EIF4G2: variants seen among roughly 807,000 people sequenced by gnomAD.
EIF4G2 encodes eukaryotic translation initiation factor 4 gamma 2.
A neutral mutation model predicts 117.7 loss-of-function variants in EIF4G2; 8 were observed. The ratio of observed to expected loss-of-function variants is 0.07; its 90% CI spans 0.04 to 0.12. EIF4G2 has a LOEUF of 0.12. Ranked by LOEUF, EIF4G2 falls within the 10% of genes least tolerant of loss-of-function variation. EIF4G2 has a pLI of 1.00. For synonymous variants in EIF4G2, 413 were observed against 367.8 expected (o/e 1.12, Z -1.41); for missense variants, 812 against 1,086.2 (o/e 0.75, Z 3.55).
chr11:10,800,014 T>C lies in EIF4G2; in HGVS notation c.2119+76A>G, dbSNP rs1326423837. The C allele has an allele frequency of 1.3e-5, 19 of 1,518,376 alleles. No individual in the cohort carries two copies. In the South Asian group the frequency reaches 1.5e-4, roughly 12 times the overall value. The allele number at this position is 1,518,376 out of a possible 1,614,324, so 94.1% of individuals were successfully genotyped here. On this transcript the variant is annotated intron_variant, in intron 18 of 21. Transcript: ENST00000339995. ...GGACAATCAGACTGTCTGACCTACA[T>C]AAATCCACTCAAGGTACCTGAAATC...
Position 10,807,363 on chromosome 11 carries a change from G to C in EIF4G2, c.-68C>G. 1 of 1,606,568 alleles carries C rather than the reference G, an allele frequency of 6.2e-7. No individual in the cohort carries two copies. Among genetic ancestry groups the C allele is most frequent in the South Asian group, 1.1e-5 (1 of 90,144 alleles). ...AATAGATGGGGTGGGGAGGGGAGGG[G>C]ACAGGAGAAATGAAATACCTGGAAC... On this transcript the variant is annotated 5_prime_UTR_variant, in exon 2 of 22. Transcript: ENST00000339995.
rs1029717400 is a variant in EIF4G2 at position 10,807,384 on chromosome 11, G to C, written c.-86-3C>G. On this transcript the variant is annotated splice_polypyrimidine_tract_variant and splice_region_variant and intron_variant, in intron 1 of 21. Transcript: ENST00000339995. Reference sequence around the variant, plus strand: ...AGGGGACAGGAGAAATGAAATACCTGGAACGAGAAAGAGCACCAAAATTAG... The same window carrying C: ...AGGGGACAGGAGAAATGAAATACCTCGAACGAGAAAGAGCACCAAAATTAG... The C allele has an allele frequency of 6.3e-7, 1 of 1,593,266 alleles. No homozygotes were observed. Among genetic ancestry groups the C allele is most frequent in the Non-Finnish European group, 8.5e-7 (1 of 1,175,306 alleles).
intron 1 of EIF4G2, chr11:10,807,897 C>G (rs1409996294): frequency 9.9e-7 from 1 of 1,009,232 alleles, no homozygotes; most frequent in Non-Finnish European, 1.2e-6. Context: ...GGCGGAAGAC[C>G]AGGGCCACAA....
At chr11:10,799,511 T>C (rs1847359629) in intron 19 of EIF4G2, 41 bp downstream of exon 19, 1 of 1,609,308 alleles carries the variant, frequency 6.2e-7, no homozygotes, top group Non-Finnish European at 8.5e-7. Context: ...TCTTTTCCAG[T>C]ACATGAAACA....
rs1227017301 is a variant in EIF4G2 at position 10,800,363 on chromosome 11, A to G, written c.1861-15T>C. On this transcript the variant is annotated splice_polypyrimidine_tract_variant and intron_variant, in intron 17 of 21. Coordinates refer to ENST00000339995, the MANE Select transcript of EIF4G2 (RefSeq NM_001418.4). ...TTCAGGAAAGCCTTGAAAGAAATAT[A>G]CAACAGTTTATCAGTTTTCGAATTT... 1.9e-6 allele frequency: 3 copies of G among 1,613,142 alleles called. No homozygotes were observed. Among genetic ancestry groups the G allele is most frequent in the East Asian group, 4.5e-5 (2 of 44,858 alleles).
chr11:10,801,672 T>C lies in EIF4G2; in HGVS notation c.1402A>G (p.Asn468Asp). ...ATAGGCAAATGTACCTCATCTGCAT[T>C]AAGCTGTCCTTTCTTAGAAAACCGA... The change falls in exon 14 of 22, where the codon AAT (asparagine) becomes GAT (aspartate). Residue 468 changes from asparagine (N) to aspartate (D), a missense_variant. Asn to Asp is a conservative substitution (Grantham distance 23). This residue lies in a region of EIF4G2 where 571 missense variants were observed against 642.3 expected (regional missense o/e 0.89). Coordinates refer to ENST00000339995, the MANE Select transcript of EIF4G2 (RefSeq NM_001418.4). 6.2e-7 allele frequency: 1 copy of C among 1,614,134 alleles called. No homozygotes were observed. Among genetic ancestry groups the C allele is most frequent in the Non-Finnish European group, 8.5e-7 (1 of 1,179,974 alleles).
intron 1 of EIF4G2, chr11:10,808,220 ACT>A (rs538970866): frequency 2.8e-5 from 32 of 1,133,830 alleles, no homozygotes; most frequent in African/African-American, 3.5e-5. Context: ...AGAAATCATC[ACT>A]CTCTCTTTCC....
chr11:10,807,563 G>A (rs1847616327), intron 1 of EIF4G2, 182 bp from the exon 2 acceptor site: 1 of 1,263,410 alleles, frequency 7.9e-7, no homozygotes, highest in Non-Finnish European at 1.0e-6. Context: ...AAATTCCCCG[G>A]TGTTCAAGGA....
rs371843834 is a variant in EIF4G2 at position 10,807,801 on chromosome 11, CCT to C, written c.-86-422_-86-421del. 5.5e-4 allele frequency: 545 copies of C among 990,578 alleles called. 1 individual carries two copies. Among genetic ancestry groups the C allele is most frequent in the East Asian group, 4.4e-3 (39 of 8,848 alleles). 61.4% of individuals were successfully genotyped at this position (990,578 alleles called of 1,614,324 possible). The stretch of plus-strand genomic sequence containing the variant: ...TCCGAAAGCTCTTCAGCAGTTTTCC[CCT>C]GTCCACCCTTTCGCCTCCTCCCCGT... On this transcript the variant is annotated intron_variant, in intron 1 of 21. Transcript: ENST00000339995.
chr11:10,801,026 G>T lies in EIF4G2; in HGVS notation c.1475C>A (p.Pro492His). ...ACTAGGAGGAATCATAGTTATCTGG[G>T]GCTGAAGCTTTGGCACTTGATTTTT... The change falls in exon 15 of 22, where the codon CCC becomes CAC. Residue 492 changes from proline to histidine, a missense_variant. Pro to His is a moderately conservative substitution (Grantham distance 77, BLOSUM62 -2). This residue lies in a region of EIF4G2 where 571 missense variants were observed against 642.3 expected (regional missense o/e 0.89). Transcript: ENST00000339995. The T allele has an allele frequency of 6.2e-7, 1 of 1,614,126 alleles. No individual in the cohort carries two copies. The highest frequency in any genetic ancestry group is 8.5e-7 in the Non-Finnish European group (1 of 1,180,006).
At chr11:10,801,213 A>T in intron 14 of EIF4G2, 126 bp from the exon 15 acceptor site, 1 of 1,368,740 alleles carries the variant, frequency 7.3e-7, no homozygotes, top group Non-Finnish European at 9.8e-7. Flanking sequence ...GAAAAACTAA[A>T]GAAGGTACTC....
Position 10,797,567 on chromosome 11 carries a change from G to GT in EIF4G2, c.*248dup, listed in dbSNP as rs1044867493. 198 of 455,886 alleles carry GT rather than the reference G, an allele frequency of 4.3e-4. No individual in the cohort carries two copies. The highest frequency in any genetic ancestry group is 3.2e-4 in the Admixed American group (8 of 25,330). The allele number at this position is 455,886 out of a possible 1,614,324, so 28.2% of individuals were successfully genotyped here. ...CTGCCTCTGCTTGAGAACTTATGATGTAATTATTGCATGCTGCTAATATAC... is the reference window on the plus strand; with the variant it reads ...CTGCCTCTGCTTGAGAACTTATGATGTTAATTATTGCATGCTGCTAATATAC... On this transcript the variant is annotated 3_prime_UTR_variant, in exon 22 of 22. Coordinates refer to ENST00000339995, the MANE Select transcript of EIF4G2 (RefSeq NM_001418.4). This position sits in a 1 kb window ranked among gnomAD's most constrained non-coding sequence, Gnocchi z 4.5.
At chr11:10,804,535 A>G in intron 5 of EIF4G2, 117 bp from the exon 6 acceptor site, 1 of 1,332,644 alleles carries the variant, frequency 7.5e-7, no homozygotes, top group Non-Finnish European at 1.0e-6. Flanking sequence ...ATGTCCAGTT[A>G]TACAGATTTC....
In EIF4G2 at chr11:10,799,387, T is replaced by C; in HGVS notation, c.2362A>G (p.Ser788Gly). ...GCAGAGGATGAATCTGTTTCATCGC[T>C]GGGGGGGTTTACTTCACTAGAAATG... Residue 788 changes from serine to glycine, a missense_variant, in exon 20 of 22, where the codon AGC (serine) becomes GGC (glycine). Coordinates refer to ENST00000339995, the MANE Select transcript of EIF4G2 (RefSeq NM_001418.4). The C allele has an allele frequency of 3.1e-6, 5 of 1,612,178 alleles. No homozygotes were observed. The highest frequency in any genetic ancestry group is 4.2e-6 in the Non-Finnish European group (5 of 1,180,012).
At position 10,804,986 on chromosome 11, in the gene EIF4G2, A is replaced by G. The variant is rs1390128917; in HGVS notation, c.278T>C (p.Phe93Ser). Reference sequence around the variant, plus strand: ...GAGGAGCTCAAGGCATAGCTTGTCAAACTTTTCAGGAGTAAGCTTATTTAG... The same window carrying G: ...GAGGAGCTCAAGGCATAGCTTGTCAGACTTTTCAGGAGTAAGCTTATTTAG... Residue 93 changes from phenylalanine (F) to serine (S), a missense_variant, in exon 5 of 22, where the codon TTT (phenylalanine) becomes TCT (serine). Around this residue, in one of 4 missense-constraint regions of EIF4G2, gnomAD observed 154 missense variants for 322.1 expected, o/e 0.48. Transcript: ENST00000339995. 1.2e-6 allele frequency: 2 copies of G among 1,613,994 alleles called. No homozygotes were observed. Among genetic ancestry groups the G allele is most frequent in the Non-Finnish European group, 1.7e-6 (2 of 1,179,994 alleles).
chr11:10,797,757 A>G lies in EIF4G2; in HGVS notation c.*59T>C, dbSNP rs1847298661. On this transcript the variant is annotated 3_prime_UTR_variant, in exon 22 of 22. Coordinates refer to ENST00000339995, the MANE Select transcript of EIF4G2 (RefSeq NM_001418.4). The surrounding 1 kb of genome is among the most constrained non-coding windows in gnomAD (Gnocchi z 4.5). Reference sequence around the variant, plus strand: ...ATGAATTTTCGCAGTGGTTAGGTCAAATGCAGTTACATCATAGCAACAGTA... The same window carrying G: ...ATGAATTTTCGCAGTGGTTAGGTCAGATGCAGTTACATCATAGCAACAGTA... 2 of 1,551,900 alleles carry G rather than the reference A, an allele frequency of 1.3e-6. No homozygotes were observed. The highest frequency in any genetic ancestry group is 1.8e-6 in the Non-Finnish European group (2 of 1,126,664).
In EIF4G2 at chr11:10,800,473, G is replaced by T. The variant is rs552055409; in HGVS notation, c.1819C>A (p.Leu607Ile). The T allele has an allele frequency of 6.2e-7, 1 of 1,614,058 alleles. No individual in the cohort carries two copies. The highest frequency in any genetic ancestry group is 8.5e-7 in the Non-Finnish European group (1 of 1,180,038). ...CTTGTGGCTATCCCTTCCTGTTTGA[G>T]TAAACTGATCAAAGAACTTGCTTTT... Residue 607 changes from leucine (L) to isoleucine (I), a missense_variant, in exon 17 of 22, where the codon CTC (leucine) becomes ATC (isoleucine). Physicochemically the swap from Leu to Ile is conservative, Grantham distance 5. This residue lies in a region of EIF4G2 where 571 missense variants were observed against 642.3 expected (regional missense o/e 0.89). Coordinates refer to ENST00000339995, the MANE Select transcript of EIF4G2 (RefSeq NM_001418.4).
chr11:10,800,813 G>A lies in EIF4G2; in HGVS notation c.1562C>T (p.Thr521Ile). 1 of 1,614,168 alleles carries A rather than the reference G, an allele frequency of 6.2e-7. No individual in the cohort carries two copies. Reference sequence around the variant, plus strand: ...CTTTTCCTGGATAAGCGGTGGATTAGTTTTGAGACCAAGCTGAGGTGTCTA... The same window carrying A: ...CTTTTCCTGGATAAGCGGTGGATTAATTTTGAGACCAAGCTGAGGTGTCTA... The change falls in exon 16 of 22, where the codon ACT becomes ATT. Residue 521 changes from threonine (T) to isoleucine (I), a missense_variant. This residue lies in a region of EIF4G2 where 571 missense variants were observed against 642.3 expected (regional missense o/e 0.89). Transcript: ENST00000339995.
chr11:10,805,100 T>G lies in EIF4G2; in HGVS notation c.249-85A>C, dbSNP rs532910667. The G allele has an allele frequency of 1.6e-5, 17 of 1,066,696 alleles. No homozygotes were observed. The African/African-American group carries it at 2.7e-4, about 17-fold the overall frequency. The allele number at this position is 1,066,696 out of a possible 1,614,324, so 66.1% of individuals were successfully genotyped here. ...ACTGCTTTTAAATTATACTGATTTT[T>G]CTTCTAACTTGCTCCCTTTAAAAAA... On this transcript the variant is annotated intron_variant, in intron 4 of 21. Transcript: ENST00000339995.
Sources: allele counts gnomAD v4.1 joint callset, GRCh38; gene constraint gnomAD v4.1.1; regional missense constraint gnomAD v4.1.1; non-coding constraint Gnocchi (gnomAD v3.1); transcripts MANE v1.5; gene names NCBI Gene and HGNC (gene_info 2026-07-23, HGNC 2026-07-21).